Variants in PDE4B observed in about 807,000 individuals in gnomAD.
PDE4B encodes phosphodiesterase 4B.
PDE4B carries 20 observed loss-of-function variants against 82.2 expected under a neutral mutation model. The observed-to-expected ratio is 0.24, with a 90% CI of 0.17 to 0.35. PDE4B has a LOEUF of 0.35. PDE4B is among the 10% of genes least tolerant of loss of function. The pLI is 1.00. For missense variants in PDE4B, 655 were observed against 907.2 expected (o/e 0.72, Z 3.57); for synonymous variants, 320 against 318.9 (o/e 1.00, Z -0.04).
intron 7 of PDE4B, among the ~76,000 whole-genome samples, chr1:66,286,046 C>G (rs1346712439): frequency 6.6e-6 from 1 of 152,152 alleles, no homozygotes; most frequent in Non-Finnish European, 1.5e-5. Context: ...AAAACCAGAT[C>G]CAACAACCAA....
chr1:65,985,249 C>G (rs1650897949), intron 3 of PDE4B, among the ~76,000 whole-genome samples: 1 of 152,090 alleles, frequency 6.6e-6, no homozygotes, highest in African/African-American at 2.4e-5. Context: ...TGAATGTCCA[C>G]TTAAACACAT....
intron 7 of PDE4B, 30 bp downstream of exon 7, chr1:66,266,117 G>A (rs1655017837): frequency 6.6e-7 from 1 of 1,517,320 alleles, no homozygotes; most frequent in Non-Finnish European, 9.2e-7. Flanking sequence ...CTATCTAGAT[G>A]TTTCAAGATA....
At chr1:65,882,460 T>C (rs560184100) in intron 1 of PDE4B, among the ~76,000 whole-genome samples, 1 of 152,286 alleles carries the variant, frequency 6.6e-6, no homozygotes, top group African/African-American at 2.4e-5. Context: ...TAAGAACTTT[T>C]TTTCTCAACA....
intron 3 of PDE4B, among the ~76,000 whole-genome samples, chr1:66,095,381 G>A (rs1397385740): frequency 6.6e-6 from 1 of 151,826 alleles, no homozygotes. Context: ...TATGTATGAG[G>A]CAATTGACAT....
At chr1:66,245,452 G>T (rs1570547401) in intron 3 of PDE4B, among the ~76,000 whole-genome samples, 4 of 152,278 alleles carry the variant, frequency 2.6e-5, no homozygotes, top group African/African-American at 9.6e-5. Context: ...GTTTCTAGGG[G>T]TTTGGGTGGC....
At chr1:65,980,504 A>C (rs1406826087) in intron 3 of PDE4B, among the ~76,000 whole-genome samples, 1 of 152,208 alleles carries the variant, frequency 6.6e-6, no homozygotes, top group African/African-American at 2.4e-5. Context: ...GTGACTTTAG[A>C]ATATAAATCA....
intron 3 of PDE4B, among the ~76,000 whole-genome samples, chr1:66,225,939 G>A (rs1480162557): frequency 1.3e-5 from 2 of 152,218 alleles, no homozygotes; most frequent in African/African-American, 2.4e-5. Flanking sequence ...TTCTGTTGGT[G>A]CAAACACTAC....
chr1:65,959,136 G>A (rs17451842), intron 3 of PDE4B, among the ~76,000 whole-genome samples: 9,599 of 152,270 alleles, frequency 0.063, 356 homozygotes, highest in Middle Eastern at 0.18. Context: ...ATAATCATTT[G>A]AGGATTGCAT....
chr1:65,880,037 CA>C (rs1487955034), intron 1 of PDE4B, among the ~76,000 whole-genome samples: 1 of 152,210 alleles, frequency 6.6e-6, no homozygotes, highest in African/African-American at 2.4e-5. Flanking sequence ...ATGGTTACTA[CA>C]AGACTTGCAA....
chr1:66,087,664 T>C (rs1657076284), intron 3 of PDE4B, among the ~76,000 whole-genome samples: 1 of 152,030 alleles, frequency 6.6e-6, no homozygotes, highest in African/African-American at 2.4e-5. Flanking sequence ...GTGGCACTTA[T>C]ACACCATGGA....
chr1:65,938,130 T>C (rs1026653925), intron 3 of PDE4B, among the ~76,000 whole-genome samples: 5 of 152,204 alleles, frequency 3.3e-5, no homozygotes, highest in African/African-American at 1.2e-4. Context: ...ATCTTCCTTT[T>C]TCTCCTTAGC....
At chr1:66,072,492 T>A (rs745838523) in intron 3 of PDE4B, among the ~76,000 whole-genome samples, 3 of 152,184 alleles carry the variant, frequency 2.0e-5, no homozygotes, top group Non-Finnish European at 4.4e-5. Context: ...AGACTTAACA[T>A]TTCTGGGGGA....
At chr1:66,110,500 T>C (rs1645462020) in intron 3 of PDE4B, among the ~76,000 whole-genome samples, 1 of 152,058 alleles carries the variant, frequency 6.6e-6, no homozygotes, top group African/African-American at 2.4e-5. Context: ...GTGAAAAGCA[T>C]AGAGCACAGG....
At chr1:65,817,472 G>A (rs114932387) in intron 1 of PDE4B, among the ~76,000 whole-genome samples, 1,687 of 152,130 alleles carry the variant, frequency 0.011, 33 homozygotes, top group African/African-American at 0.039. Context: ...TTGCTGATGG[G>A]GTCCCAACTC....
intron 15 of PDE4B, 147 bp from the exon 16 acceptor site, chr1:66,368,640 C>A (rs1663428434): frequency 2.0e-6 from 1 of 497,808 alleles, no homozygotes; most frequent in African/African-American, 2.0e-5. Context: ...ATTGTAATTC[C>A]ATTTTTTTTC....
chr1:66,171,381 G>A (rs1646833806), intron 3 of PDE4B, among the ~76,000 whole-genome samples: 1 of 152,080 alleles, frequency 6.6e-6, no homozygotes, highest in Non-Finnish European at 1.5e-5. Context: ...ATAAAAGGAA[G>A]CATTTCCTTG....
intron 3 of PDE4B, among the ~76,000 whole-genome samples, chr1:66,145,911 A>G (rs1485866410): frequency 2.6e-5 from 4 of 152,150 alleles, no homozygotes; most frequent in African/African-American, 9.7e-5. Flanking sequence ...GATCTCTGCT[A>G]TTATTAAGAT....
At chr1:66,371,094 CTATATATATATATATA>C (rs557320202) in intron 16 of PDE4B, among the ~76,000 whole-genome samples, 4,327 of 74,858 alleles carry the variant, frequency 0.058, 223 homozygotes, top group African/African-American at 0.14. Flanking sequence ...ACACATCATA[CTATATATATATATATA>C]TATATATATA....
intron 3 of PDE4B, among the ~76,000 whole-genome samples, chr1:65,984,991 T>C (rs1431018401): frequency 6.6e-6 from 1 of 152,152 alleles, no homozygotes; most frequent in Non-Finnish European, 1.5e-5. Context: ...AAAATTCTAT[T>C]TTCTTCGTTA....
Sources: allele counts gnomAD v4.1 joint callset (sites outside exome capture counted in the v4.1 genomes callset), GRCh38; gene constraint gnomAD v4.1.1; transcripts MANE v1.5; gene names NCBI Gene and HGNC (gene_info 2026-07-23, HGNC 2026-07-21).